The following PEX7 variants were observed in gnomAD, a reference collection of about 807,000 sequenced individuals.
The protein encoded by PEX7 is PTS2 receptor.
In PEX7, 34 loss-of-function variants were observed where a neutral mutation model predicts 47.5. That is an observed-to-expected ratio of 0.72 (90% CI 0.54 to 0.95). The LOEUF (loss-of-function observed/expected upper bound fraction) is 0.95. Among genes scored for constraint, PEX7 ranks in the 40% least tolerant of loss-of-function variants. PEX7 has a pLI of 0.00. For missense variants in PEX7, 394 were observed against 400.3 expected (o/e 0.98, Z 0.13); for synonymous variants, 141 against 148.8 (o/e 0.95, Z 0.38).
intron 8 of PEX7, among the ~76,000 whole-genome samples, chr6:136,895,597 A>G (rs1294017910): frequency 1.3e-5 from 2 of 152,110 alleles, no homozygotes; most frequent in East Asian, 1.9e-4. Context: ...GCTTTAATGA[A>G]GTTTTAAGGT....
At chr6:136,824,218 T>C (rs1044516771) in intron 1 of PEX7, among the ~76,000 whole-genome samples, 1 of 152,158 alleles carries the variant, frequency 6.6e-6, no homozygotes, top group African/African-American at 2.4e-5. Flanking sequence ...TTTTTCTCTT[T>C]AGAGACAGGG....
chr6:136,848,400 A>G (rs1476156293), intron 5 of PEX7, among the ~76,000 whole-genome samples: 2 of 152,182 alleles, frequency 1.3e-5, no homozygotes, highest in Non-Finnish European at 1.5e-5. Context: ...GTGGTGAGAG[A>G]GGGCATCCCT....
At chr6:136,830,136 A>G in intron 3 of PEX7, 1 of 677,636 alleles carries the variant, frequency 1.5e-6, no homozygotes, top group Non-Finnish European at 2.7e-6. Context: ...CCAGCTTTGT[A>G]AGTTACCTGT....
At chr6:136,839,429 C>A (rs1210025762) in intron 3 of PEX7, among the ~76,000 whole-genome samples, 9 of 152,098 alleles carry the variant, frequency 5.9e-5, no homozygotes, top group Admixed American at 5.2e-4. Context: ...AAAATTTGTC[C>A]TCTCAAACTG....
chr6:136,887,420 C>T (rs1775484650), intron 8 of PEX7, among the ~76,000 whole-genome samples: 1 of 152,040 alleles, frequency 6.6e-6, no homozygotes, highest in South Asian at 2.1e-4. Context: ...CCATATCTGG[C>T]ACTCAGAATT....
chr6:136,883,170 A>G (rs1015444691), intron 8 of PEX7, among the ~76,000 whole-genome samples: 8 of 152,302 alleles, frequency 5.3e-5, no homozygotes, highest in Non-Finnish European at 2.9e-5. Context: ...GTGGAATGAA[A>G]TGTTTCTGAG....
At chr6:136,884,212 A>G (rs1346098951) in intron 8 of PEX7, among the ~76,000 whole-genome samples, 1 of 152,206 alleles carries the variant, frequency 6.6e-6, no homozygotes, top group Non-Finnish European at 1.5e-5. Context: ...CATTATTTGA[A>G]TGTGGTGACC....
intron 8 of PEX7, among the ~76,000 whole-genome samples, chr6:136,886,816 G>C (rs892546117): frequency 6.6e-5 from 10 of 152,092 alleles, no homozygotes; most frequent in African/African-American, 2.4e-4. Flanking sequence ...ACTTTGGGAG[G>C]CCAAGGCGGG....
intron 8 of PEX7, among the ~76,000 whole-genome samples, chr6:136,874,588 G>T (rs1694390558): frequency 6.7e-6 from 1 of 148,976 alleles, no homozygotes; most frequent in African/African-American, 2.5e-5. Context: ...GGAATTGCTT[G>T]AACCCAGAAG....
intron 9 of PEX7, among the ~76,000 whole-genome samples, chr6:136,902,419 T>C (rs894316396): frequency 3.3e-5 from 5 of 152,238 alleles, no homozygotes; most frequent in African/African-American, 1.2e-4. Flanking sequence ...AGGGCATTCA[T>C]ATATTACACC....
chr6:136,864,388 C>A (rs923869479), intron 5 of PEX7, among the ~76,000 whole-genome samples: 7 of 151,930 alleles, frequency 4.6e-5, no homozygotes, highest in African/African-American at 1.7e-4. Context: ...ATGCTACTAC[C>A]TTGTCTCATT....
chr6:136,840,179 T>C (rs1774469099), intron 3 of PEX7, among the ~76,000 whole-genome samples: 1 of 152,180 alleles, frequency 6.6e-6, no homozygotes, highest in Non-Finnish European at 1.5e-5. Flanking sequence ...TTATACATTA[T>C]AAAATACATG....
At chr6:136,885,944 A>G (rs1214196257) in intron 8 of PEX7, among the ~76,000 whole-genome samples, 3 of 152,110 alleles carry the variant, frequency 2.0e-5, no homozygotes, top group African/African-American at 7.2e-5. Flanking sequence ...TACCCACCAC[A>G]TGGGATTGTT....
At chr6:136,894,141 C>T (rs1245375368) in intron 8 of PEX7, among the ~76,000 whole-genome samples, 1 of 152,036 alleles carries the variant, frequency 6.6e-6, no homozygotes, top group Non-Finnish European at 1.5e-5. Context: ...GCTGCAGTGC[C>T]CTATGATTTA....
chr6:136,866,694 G>A lies in PEX7; in HGVS notation c.594G>A (p.Gln198=). The stretch of plus-strand genomic sequence containing the variant: ...TAAGAATCGTGATTCCTGCACATCA[G>A]GCAGAAATCTTGAGTTGTGACTGGT... ...AGVRIVIPAH[Q]AEILSCDWCK... The change falls in exon 6 of 10, where the codon CAG becomes CAA. Residue 198 remains glutamine, a synonymous_variant. Coordinates refer to ENST00000318471, the MANE Select transcript of PEX7 (RefSeq NM_000288.4). The A allele has an allele frequency of 6.2e-7, 1 of 1,614,046 alleles. No individual in the cohort carries two copies. The highest frequency in any genetic ancestry group is 1.3e-5 in the African/African-American group (1 of 75,050).
chr6:136,859,200 G>T (rs1774915238), intron 5 of PEX7, among the ~76,000 whole-genome samples: 1 of 152,156 alleles, frequency 6.6e-6, no homozygotes, highest in Admixed American at 6.5e-5. Flanking sequence ...GATAAGCTAA[G>T]ACAGGCCAAA....
At chr6:136,880,303 A>G (rs1775354476) in intron 8 of PEX7, among the ~76,000 whole-genome samples, 1 of 152,154 alleles carries the variant, frequency 6.6e-6, no homozygotes. Context: ...TTTCACCCCT[A>G]AACTATCAAC....
chr6:136,866,766 C>A, intron 6 of PEX7, 33 bp downstream of exon 6: 1 of 1,530,830 alleles, frequency 6.5e-7, no homozygotes, highest in South Asian at 1.1e-5. Flanking sequence ...ATGCTGCTGT[C>A]CTTCCTAATG....
chr6:136,863,954 C>G (rs1456043218), intron 5 of PEX7, among the ~76,000 whole-genome samples: 1 of 152,126 alleles, frequency 6.6e-6, no homozygotes, highest in Non-Finnish European at 1.5e-5. Context: ...TGTCGTCCAG[C>G]AACACAAGGA....
Sources: gnomAD v4.1 joint callset for allele counts (sites outside exome capture counted in the v4.1 genomes callset) on GRCh38, gnomAD v4.1.1 for gene constraint, MANE v1.5 for transcripts, NCBI Gene and HGNC (gene_info 2026-07-23, HGNC 2026-07-21) for gene names.